The following NSF variants were observed in gnomAD, a reference collection of about 807,000 sequenced individuals.
The protein encoded by NSF is N-ethylmaleimide sensitive factor, vesicle fusing ATPase.
NSF carries 14 observed loss-of-function variants against 50.3 expected under a neutral mutation model. The observed-to-expected ratio is 0.28, with a 90% CI of 0.18 to 0.44. The LOEUF (loss-of-function observed/expected upper bound fraction) is 0.44, where lower values mean the gene tolerates loss of function less well. NSF is among the 20% of genes least tolerant of loss of function. NSF has a pLI of 1.00. For synonymous variants in NSF, 109 were observed against 175.7 expected, an observed-to-expected ratio of 0.62 and a Z score of 3.00; for missense variants, 218 against 504.3, an observed-to-expected ratio of 0.43 and a Z score of 5.44.
At chr17:46,634,072 C>T (rs1187216024) in intron 4 of NSF, among the ~76,000 whole-genome samples, 18 of 10,374 alleles carry the variant, frequency 1.7e-3, no homozygotes, top group Admixed American at 2.5e-3. Context: ...GGTTTCTCCA[C>T]GTTTGTCAGG....
At chr17:46,708,822 A>ATATATT (rs1476082458) in intron 13 of NSF, among the ~76,000 whole-genome samples, 1 of 108,854 alleles carries the variant, frequency 9.2e-6, no homozygotes, top group Non-Finnish European at 1.7e-5. Context: ...ATATATATAT[A>ATATATT]TTTTTTTTTT....
intron 20 of NSF, 81 bp from the exon 21 acceptor site, chr17:46,755,721 G>GATT (rs2146349935): frequency 2.9e-6 from 3 of 1,030,748 alleles, no homozygotes; most frequent in East Asian, 5.4e-5. Context: ...AGCTTTTAGT[G>GATT]ATTTTTTTTT....
chr17:46,722,418 G>C (rs1018353065), intron 15 of NSF, among the ~76,000 whole-genome samples: 1 of 152,194 alleles, frequency 6.6e-6, no homozygotes, highest in Non-Finnish European at 1.5e-5. Flanking sequence ...AGTTGTACTA[G>C]TCTGGCTAGG....
chr17:46,721,328 T>C (rs1408244145), intron 15 of NSF, among the ~76,000 whole-genome samples: 1 of 152,182 alleles, frequency 6.6e-6, no homozygotes, highest in Non-Finnish European at 1.5e-5. Context: ...TTCCTTCCTT[T>C]AGAGTAGACT....
chr17:46,755,820 T>A lies in NSF; in HGVS notation c.2232T>A (p.Asp744Glu). The A allele has an allele frequency of 6.2e-7, 1 of 1,612,420 alleles. No individual in the cohort carries two copies. Among genetic ancestry groups the A allele is most frequent in the Non-Finnish European group, 8.5e-7 (1 of 1,179,770 alleles). ...TTTGCAGTAGCCCCCTTGATTTTGA[T>A]TGAAAATGAACTATTTGAAACACAC... ...REEGASPLDF[D>E] Residue 744 changes from aspartate (D) to glutamate (E), a missense_variant, in exon 21 of 21, where the codon GAT becomes GAA. Asp to Glu is a conservative substitution (Grantham distance 45). Transcript: ENST00000398238.
chr17:46,679,517 C>T (rs1302351961), intron 9 of NSF, among the ~76,000 whole-genome samples: 1 of 126,756 alleles, frequency 7.9e-6, no homozygotes, highest in African/African-American at 3.1e-5. Flanking sequence ...TGGTGTAACC[C>T]CATCTCTACT....
At chr17:46,631,078 A>ACACACACACACACACACACACACACACG (rs2058131757) in intron 4 of NSF, among the ~76,000 whole-genome samples, 2 of 144,770 alleles carry the variant, frequency 1.4e-5, no homozygotes, top group African/African-American at 5.6e-5. Flanking sequence ...ACACACACAC[A>ACACACACACACACACACACACACACACG]CACACACACA....
intron 1 of NSF, among the ~76,000 whole-genome samples, chr17:46,613,124 T>C (rs2058027894): frequency 2.3e-5 from 1 of 44,400 alleles, no homozygotes; most frequent in Admixed American, 2.1e-4. Flanking sequence ...AAAAAATTGT[T>C]TTAATTACCT....
rs2058806696 is a variant in NSF at position 46,719,498 on chromosome 17, A to C, written c.1761+5512A>C. Among the ~76,000 whole-genome samples, 1 of 152,176 alleles carries C rather than the reference A, an allele frequency of 6.6e-6. No individual in the cohort carries two copies. Among genetic ancestry groups the C allele is most frequent in the Non-Finnish European group, 1.5e-5 (1 of 68,022 alleles). Reference sequence around the variant, plus strand: ...ACTTCTCTTAATTTGCTTATTAGTGAATCCTTTCTCCATGGATAAACTCCT... The same window carrying C: ...ACTTCTCTTAATTTGCTTATTAGTGCATCCTTTCTCCATGGATAAACTCCT... On this transcript the variant is annotated intron_variant, in intron 15 of 20. Transcript: ENST00000398238. This position sits in a 1 kb window ranked among gnomAD's most constrained non-coding sequence, Gnocchi z 4.3.
intron 1 of NSF, among the ~76,000 whole-genome samples, chr17:46,621,323 G>A (rs1274175864): frequency 1.4e-5 from 2 of 138,536 alleles, no homozygotes; most frequent in Non-Finnish European, 3.2e-5. Flanking sequence ...GTCTCGCTCT[G>A]TTGCCCAGAC....
At chr17:46,729,159 G>A (rs933258971) in intron 17 of NSF, among the ~76,000 whole-genome samples, 1 of 152,080 alleles carries the variant, frequency 6.6e-6, no homozygotes, top group Non-Finnish European at 1.5e-5. Flanking sequence ...CAGTTTCTGT[G>A]TGGAATACAA....
chr17:46,634,501 A>AG (rs1351442789), intron 4 of NSF, among the ~76,000 whole-genome samples: 1 of 118,660 alleles, frequency 8.4e-6, no homozygotes, highest in Non-Finnish European at 1.9e-5. Context: ...TGGCCAACAT[A>AG]GTGAAATCCT....
chr17:46,635,580 G>T (rs1447696632), intron 4 of NSF, among the ~76,000 whole-genome samples: 1 of 94,876 alleles, frequency 1.1e-5, no homozygotes, highest in Non-Finnish European at 2.3e-5. Context: ...CCCATGATGT[G>T]TAGCAACTCC....
intron 17 of NSF, among the ~76,000 whole-genome samples, chr17:46,736,468 A>G (rs2059006020): frequency 6.6e-6 from 1 of 152,218 alleles, no homozygotes; most frequent in Non-Finnish European, 1.5e-5. Flanking sequence ...GGGATCTCAC[A>G]ATGGCCAGAA....
At chr17:46,750,107 C>A (rs1298109813) in intron 18 of NSF, among the ~76,000 whole-genome samples, 200 bp downstream of exon 18, 1 of 152,198 alleles carries the variant, frequency 6.6e-6, no homozygotes, top group Non-Finnish European at 1.5e-5. Flanking sequence ...AATCCCAGCA[C>A]TTTGGGAGGA....
chr17:46,714,093 G>T, intron 15 of NSF, 107 bp downstream of exon 15: 1 of 1,237,650 alleles, frequency 8.1e-7, no homozygotes. Flanking sequence ...TAGCAACTAT[G>T]TTCTTCTCAA....
rs560590402 is a variant in NSF at position 46,649,431 on chromosome 17, G to C, written c.745+6172G>C. Reference sequence around the variant, plus strand: ...AGAGTGGGAGCAGAGCGAGCTGAGGGAGAGCAGAGCTTCTGACATTTGAGG... The same window carrying C: ...AGAGTGGGAGCAGAGCGAGCTGAGGCAGAGCAGAGCTTCTGACATTTGAGG... On this transcript the variant is annotated intron_variant, in intron 8 of 20. Transcript: ENST00000398238. Among the ~76,000 whole-genome samples the C allele has an allele frequency of 3.6e-4, 55 of 152,130 alleles. 1 individual carries two copies. The Middle Eastern group carries it at 0.01, about 28-fold the overall frequency.
chr17:46,602,642 T>C (rs1474419450), intron 1 of NSF: 1 of 119,262 alleles, frequency 8.4e-6, no homozygotes, highest in Non-Finnish European at 1.7e-5. Context: ...TTTAGTGTTA[T>C]GTGCTGACAA....
rs200710975 is a variant in NSF, at chr17:46,708,541, G to C, written c.1471-2422G>C. On this transcript the variant is annotated intron_variant, in intron 13 of 20. Coordinates refer to ENST00000398238, the MANE Select transcript of NSF (RefSeq NM_006178.4). ...CAGTCTTGCTCTGTCACCCAGGCTG[G>C]AGTGCAGTGGCACAATCTCGGCTCA... Among the ~76,000 whole-genome samples, 3 of 144,600 alleles carry C rather than the reference G, an allele frequency of 2.1e-5. No homozygotes were observed. In the East Asian group the frequency reaches 6.1e-4, roughly 29 times the overall value. 94.9% of individuals were successfully genotyped at this position (144,600 alleles called of 152,430 possible).
Sources: gnomAD v4.1 joint callset for allele counts (sites outside exome capture counted in the v4.1 genomes callset) on GRCh38, gnomAD v4.1.1 for gene constraint, Gnocchi (gnomAD v3.1) non-coding constraint, MANE v1.5 for transcripts, NCBI Gene and HGNC (gene_info 2026-07-23, HGNC 2026-07-21) for gene names.